Variants in NELL2 observed in about 807,000 individuals in gnomAD.
NELL2 encodes neural EGFL like 2.
NELL2 carries 41 observed loss-of-function variants against 109.6 expected under a neutral mutation model. The ratio of observed to expected loss-of-function variants is 0.37; its 90% CI spans 0.29 to 0.49. The LOEUF is 0.49. Ranked by LOEUF, NELL2 falls within the 20% of genes least tolerant of loss-of-function variation. The pLI, the probability that NELL2 is intolerant of heterozygous loss-of-function variation, is 0.98. For synonymous variants in NELL2, 355 were observed against 344.7 expected (o/e 1.03, Z -0.33); for missense variants, 900 against 1,008.3 (o/e 0.89, Z 1.45).
At chr12:44,876,882 C>T (rs996673913), upstream of NELL2, 4 of 1,283,978 alleles carry the variant, frequency 3.1e-6, no homozygotes, top group Non-Finnish European at 4.0e-6. Context: ...GCCTGGGAAG[C>T]CCCGGGTGTC....
intron 15 of NELL2, among the ~76,000 whole-genome samples, chr12:44,550,989 G>C (rs908324223): frequency 3.9e-5 from 6 of 152,106 alleles, no homozygotes; most frequent in Non-Finnish European, 7.4e-5. Context: ...ATATCTAAGA[G>C]AGTAGATCTT....
At chr12:44,703,574 G>T in intron 12 of NELL2, 152 bp downstream of exon 12, 1 of 762,886 alleles carries the variant, frequency 1.3e-6, no homozygotes, top group Non-Finnish European at 2.1e-6. Context: ...TAATTTGAAA[G>T]ATAATTATTT....
At chr12:44,740,708 C>T (rs1218020129) in intron 9 of NELL2, among the ~76,000 whole-genome samples, 2 of 152,088 alleles carry the variant, frequency 1.3e-5, no homozygotes, top group Non-Finnish European at 1.5e-5. Context: ...TCTTCTCTAC[C>T]AGTTAGCATG....
upstream of NELL2, among the ~76,000 whole-genome samples, chr12:44,879,634 A>T (rs1224546409): frequency 6.6e-6 from 1 of 152,006 alleles, no homozygotes; most frequent in African/African-American, 2.4e-5. Context: ...ACCCTAAGAA[A>T]ATAGAGTGGG....
intron 2 of NELL2, among the ~76,000 whole-genome samples, chr12:44,859,456 G>A (rs1254163388): frequency 8.5e-5 from 13 of 152,276 alleles, no homozygotes; most frequent in South Asian, 8.3e-4. Context: ...TGGGAGAATC[G>A]CTTGAACCCA....
At chr12:44,603,767 T>A (rs1945302985) in intron 15 of NELL2, among the ~76,000 whole-genome samples, 1 of 152,108 alleles carries the variant, frequency 6.6e-6, no homozygotes, top group Non-Finnish European at 1.5e-5. Flanking sequence ...AAGATACACA[T>A]GATGCAGAAA....
chr12:44,600,617 C>CA (rs1337118500), intron 15 of NELL2, among the ~76,000 whole-genome samples: 2 of 152,170 alleles, frequency 1.3e-5, no homozygotes, highest in Non-Finnish European at 2.9e-5. Context: ...GGGCACCCCC[C>CA]AAAAAGAGAA....
At chr12:44,748,661 T>C (rs936065899) in intron 9 of NELL2, among the ~76,000 whole-genome samples, 26 of 152,160 alleles carry the variant, frequency 1.7e-4, no homozygotes, top group Non-Finnish European at 4.4e-5. Context: ...TTAAATACTT[T>C]GCTTATTAAA....
intron 15 of NELL2, among the ~76,000 whole-genome samples, chr12:44,570,214 C>T (rs1187595318): frequency 5.3e-5 from 8 of 152,186 alleles, no homozygotes; most frequent in African/African-American, 1.9e-4. Context: ...TTTCTGCACA[C>T]CCCCACAGGT....
At chr12:44,868,461 A>G (rs1592682333) in intron 2 of NELL2, among the ~76,000 whole-genome samples, 1 of 152,342 alleles carries the variant, frequency 6.6e-6, no homozygotes, top group East Asian at 1.9e-4. Flanking sequence ...TTGATCTCAC[A>G]TCTTGACAAT....
At chr12:44,524,259 G>A (rs956064330) in intron 16 of NELL2, among the ~76,000 whole-genome samples, 14 of 152,152 alleles carry the variant, frequency 9.2e-5, no homozygotes, top group Non-Finnish European at 8.8e-5. Context: ...CAGATGAAAA[G>A]CAAACATATC....
At chr12:44,537,913 T>C (rs1942367588) in intron 15 of NELL2, among the ~76,000 whole-genome samples, 1 of 152,154 alleles carries the variant, frequency 6.6e-6, no homozygotes, top group Non-Finnish European at 1.5e-5. Context: ...CATGGTAACA[T>C]ATGTAAGTAA....
intron 3 of NELL2, among the ~76,000 whole-genome samples, chr12:44,802,967 AG>A (rs1942884152): frequency 6.6e-6 from 1 of 152,052 alleles, no homozygotes; most frequent in Admixed American, 6.6e-5. Context: ...CAAAATCCAA[AG>A]GAAAAAATAA....
intron 3 of NELL2, among the ~76,000 whole-genome samples, chr12:44,797,617 TA>T (rs1015760480): frequency 6.6e-6 from 1 of 151,666 alleles, no homozygotes; most frequent in African/African-American, 2.4e-5. Flanking sequence ...AGGTTGCAAT[TA>T]GACAAAATTA....
At chr12:44,793,977 A>T in intron 3 of NELL2, among the ~76,000 whole-genome samples, 1 of 152,280 alleles carries the variant, frequency 6.6e-6, no homozygotes, top group Admixed American at 6.5e-5. Context: ...ATTTTTCTAA[A>T]AACAGTCATA....
rs534330683 is a variant in NELL2 at position 44,790,052 on chromosome 12, TG to T, written c.336-10031del. ...ATTCTAAAAGCTTGGAAAACATATT[TG>T]GGGGAATAATTGAGGAAAACTTCCC... On this transcript the variant is annotated intron_variant, in intron 3 of 19. Coordinates refer to ENST00000429094, the MANE Select transcript of NELL2 (RefSeq NM_001145108.2). 1.1e-4 allele frequency among the ~76,000 whole-genome samples: 16 copies of T among 152,264 alleles called. No homozygotes were observed. The East Asian group carries it at 2.1e-3, about 20-fold the overall frequency.
At chr12:44,898,810 G>A (rs532358417) in intron 1 of NELL2, among the ~76,000 whole-genome samples, 3 of 152,240 alleles carry the variant, frequency 2.0e-5, no homozygotes, top group South Asian at 2.1e-4. Flanking sequence ...AAACTACTCC[G>A]AGCTAAAGGA....
At chr12:44,906,379 C>A (rs1945719354) in intron 1 of NELL2, among the ~76,000 whole-genome samples, 1 of 152,056 alleles carries the variant, frequency 6.6e-6, no homozygotes, top group Non-Finnish European at 1.5e-5. Flanking sequence ...ACTTTAAACA[C>A]ATAAATGATA....
rs770550502 is a variant in NELL2 at position 44,875,865 on chromosome 12, T to G, written c.5A>C (p.Glu2Ala). The change falls in exon 1 of 20, where the codon GAG becomes GCG. Residue 2 changes from glutamate to alanine, a missense_variant. Physicochemically the swap from Glu to Ala is moderately radical, Grantham distance 107. Transcript: ENST00000429094. M[E>A]SRVLLRTFCL... Reference sequence around the variant, plus strand: ...GAATGTTCTCAGTAAGACCCGAGACTCCATGGTGCGGATCAGCTCAGTCCA... The same window carrying G: ...GAATGTTCTCAGTAAGACCCGAGACGCCATGGTGCGGATCAGCTCAGTCCA... 2.5e-6 allele frequency: 4 copies of G among 1,613,832 alleles called. No individual in the cohort carries two copies. In the African/African-American group the frequency reaches 4.0e-5, roughly 16 times the overall value.
Sources: gnomAD v4.1 joint callset for allele counts (sites outside exome capture counted in the v4.1 genomes callset) on GRCh38, gnomAD v4.1.1 for gene constraint, MANE v1.5 for transcripts, NCBI Gene and HGNC (gene_info 2026-07-23, HGNC 2026-07-21) for gene names.